The following NYNRIN variants were observed in gnomAD, a reference collection of about 807,000 sequenced individuals.
NYNRIN encodes the protein NYN domain and retroviral integrase containing, also known as protein NYNRIN.
Under a neutral mutation model 146.6 loss-of-function variants are expected in NYNRIN, and 86 were observed. The ratio of observed to expected loss-of-function variants is 0.59; its 90% CI spans 0.49 to 0.70. NYNRIN has a LOEUF of 0.70. NYNRIN is among the 30% of genes least tolerant of loss of function. NYNRIN has a pLI of 0.00. For synonymous variants in NYNRIN, 1,027 were observed against 1,001.3 expected, an observed-to-expected ratio of 1.03 and a Z score of -0.48; for missense variants, 2,191 against 2,377.7, an observed-to-expected ratio of 0.92 and a Z score of 1.63.
chr14:24,409,943 C>G lies in NYNRIN; in HGVS notation c.2149C>G (p.Gln717Glu), dbSNP rs1320850066. Reference sequence around the variant, plus strand: ...GGCTAGTGTCTCCTTACTGAAGGGCCAGGGGCAGGCTGGAAGGCAGGGTCC... The same window carrying G: ...GGCTAGTGTCTCCTTACTGAAGGGCGAGGGGCAGGCTGGAAGGCAGGGTCC... ...SRASVSLLKG[Q>E]GQAGRQGPQS... The change falls in exon 4 of 9, where the codon CAG becomes GAG. Residue 717 changes from glutamine to glutamate, a missense_variant. Physicochemically the swap from Gln to Glu is conservative, Grantham distance 29 (BLOSUM62 2). Transcript: ENST00000382554. 51 of 1,613,628 alleles carry G rather than the reference C, an allele frequency of 3.2e-5. No individual in the cohort carries two copies. The highest frequency in any genetic ancestry group is 4.1e-5 in the Non-Finnish European group (48 of 1,179,782).
Position 24,416,948 on chromosome 14 carries a change from T to C in NYNRIN, c.5199T>C (p.His1733=). The C allele has an allele frequency of 6.3e-7, 1 of 1,586,058 alleles. No homozygotes were observed. ...CCCTCAAGGAGTTCATCTTCCTGCA[T>C]GGGAAGAAGTGGGCGGCCTCCCTGC... ...KRALKEFIFL[H]GKKWAASLPL... Residue 1733 remains histidine (H), a synonymous_variant, in exon 9 of 9, where the codon CAT becomes CAC. Coordinates refer to ENST00000382554, the MANE Select transcript of NYNRIN (RefSeq NM_025081.3).
In NYNRIN at chr14:24,408,706, G is replaced by A. The variant is rs775494721; in HGVS notation, c.912G>A (p.Val304=). The change falls in exon 4 of 9, where the codon GTG becomes GTA. Residue 304 remains valine (V), a synonymous_variant. Coordinates refer to ENST00000382554, the MANE Select transcript of NYNRIN (RefSeq NM_025081.3). ...GMDSAQEEGT[V]QATSSQDSTN... ...ACAGTGCTCAAGAGGAAGGGACAGT[G>A]CAAGCCACCAGCAGCCAGGACTCCA... The A allele has an allele frequency of 1.2e-6, 2 of 1,613,490 alleles. No individual in the cohort carries two copies. Among genetic ancestry groups the A allele is most frequent in the Non-Finnish European group, 1.7e-6 (2 of 1,179,724 alleles).
At position 24,415,705 on chromosome 14, in the gene NYNRIN, G is replaced by T. The variant is rs776363411; in HGVS notation, c.3956G>T (p.Arg1319Leu). The T allele has an allele frequency of 1.5e-5, 25 of 1,613,792 alleles. No homozygotes were observed. The highest frequency in any genetic ancestry group is 4.0e-5 in the African/African-American group (3 of 74,932). ...CACATGTCGGGCTACTGCTTCTACCGTGAGGATGAGTGGTGTGCTGGCTTT... is the reference window on the plus strand; with the variant it reads ...CACATGTCGGGCTACTGCTTCTACCTTGAGGATGAGTGGTGTGCTGGCTTT... ...CIHMSGYCFYREDEWCAGFGL... is the reference protein window; with the variant it reads ...CIHMSGYCFYLEDEWCAGFGL... Residue 1319 changes from arginine to leucine, a missense_variant, in exon 9 of 9, where the codon CGT (arginine) becomes CTT (leucine). Around this residue, in one of 3 missense-constraint regions of NYNRIN, gnomAD observed 1,291 missense variants for 1,417.0 expected, o/e 0.91. Coordinates refer to ENST00000382554, the MANE Select transcript of NYNRIN (RefSeq NM_025081.3).
rs765612926 is a variant in NYNRIN, at chr14:24,413,366, C to G, written c.2795C>G (p.Pro932Arg). 1.4e-5 allele frequency: 22 copies of G among 1,613,436 alleles called. No homozygotes were observed. The Admixed American group carries it at 3.5e-4, about 26-fold the overall frequency. Reference protein sequence around the residue: ...AGNLFMVPDDPLGRDGPTLDE... With the variant: ...AGNLFMVPDDRLGRDGPTLDE... Reference sequence around the variant, plus strand: ...AATCTCTTCATGGTGCCTGATGACCCCCTGGGCCGTGATGGCCCCACCTTG... The same window carrying G: ...AATCTCTTCATGGTGCCTGATGACCGCCTGGGCCGTGATGGCCCCACCTTG... Residue 932 changes from proline to arginine, a missense_variant, in exon 8 of 9, where the codon CCC (proline) becomes CGC (arginine). Pro to Arg is a moderately radical substitution (Grantham distance 103). This residue lies in a region of NYNRIN where 1,291 missense variants were observed against 1,417.0 expected (regional missense o/e 0.91). Transcript: ENST00000382554.
Position 24,409,453 on chromosome 14 carries a change from C to T in NYNRIN, c.1659C>T (p.Pro553=), listed in dbSNP as rs1388503880. Residue 553 remains proline (P), a synonymous_variant, in exon 4 of 9, where the codon CCC becomes CCT. Transcript: ENST00000382554. ...TLKVPMAAAV[P]KAENPSRTQV... ...AAGTGCCCATGGCTGCAGCAGTGCC[C>T]AAAGCTGAAAATCCCTCCAGAACTC... The T allele has an allele frequency of 6.2e-7, 1 of 1,613,832 alleles. No individual in the cohort carries two copies. The highest frequency in any genetic ancestry group is 8.5e-7 in the Non-Finnish European group (1 of 1,179,890).
chr14:24,406,771 G>A (rs1171303510), intron 2 of NYNRIN, among the ~76,000 whole-genome samples: 1 of 152,208 alleles, frequency 6.6e-6, no homozygotes, highest in Non-Finnish European at 1.5e-5. Flanking sequence ...GGAGGGGCAT[G>A]GGGGCATATG....
At chr14:24,408,631 A>G (rs779965123) in intron 3 of NYNRIN, 21 bp from the exon 4 acceptor site, 48 of 1,570,306 alleles carry the variant, frequency 3.1e-5, no homozygotes, top group Non-Finnish European at 4.0e-5. Context: ...CACCTTTTCA[A>G]TGAACTTGGG....
At chr14:24,410,293 T>C in intron 4 of NYNRIN, 85 bp downstream of exon 4, 2 of 1,095,288 alleles carry the variant, frequency 1.8e-6, no homozygotes, top group Non-Finnish European at 2.6e-6. Flanking sequence ...TGGGCATCCC[T>C]TCCCAACCTT....
In NYNRIN at chr14:24,415,763, T is replaced by C. The variant is rs779463296; in HGVS notation, c.4014T>C (p.Pro1338=). 6.2e-7 allele frequency: 1 copy of C among 1,613,872 alleles called. No individual in the cohort carries two copies. The highest frequency in any genetic ancestry group is 8.5e-7 in the Non-Finnish European group (1 of 1,179,794). The change falls in exon 9 of 9, where the codon CCT becomes CCC. Residue 1338 remains proline, a synonymous_variant. Transcript: ENST00000382554. ...ATGTTCTATCGCCCACCAGCCCCCC[T>C]GTCTCCCTTTCCTTCTCCTGCTCCC... The part of the protein sequence containing the change: ...GLYVLSPTSP[P]VSLSFSCSPY...
At chr14:24,410,606 C>G (rs1179809902) in intron 4 of NYNRIN, among the ~76,000 whole-genome samples, 1 of 152,252 alleles carries the variant, frequency 6.6e-6, no homozygotes, top group Non-Finnish European at 1.5e-5. Flanking sequence ...GATTTCTTTT[C>G]CTGACTCTGC....
At position 24,418,191 on chromosome 14, in the gene NYNRIN, C is replaced by A; in HGVS notation, c.*745C>A. ...TCCAGCCAATGGAGACAATTCCTGA[C>A]CCCTGCTTTGATGGTGTTGACCCCA... On this transcript the variant is annotated 3_prime_UTR_variant, in exon 9 of 9. Transcript: ENST00000382554. The A allele has an allele frequency of 2.2e-6, 1 of 450,404 alleles. No homozygotes were observed. Among genetic ancestry groups the A allele is most frequent in the Non-Finnish European group, 4.5e-6 (1 of 224,078 alleles). The allele number at this position is 450,404 out of a possible 1,614,324, so 27.9% of individuals were successfully genotyped here. A position where few individuals can be genotyped will look rare whatever the true frequency, so the allele number is the denominator to read the frequency against.
At chr14:24,407,312 A>G (rs1394913439) in intron 2 of NYNRIN, among the ~76,000 whole-genome samples, 1 of 152,200 alleles carries the variant, frequency 6.6e-6, no homozygotes, top group African/African-American at 2.4e-5. Flanking sequence ...GAGTGGCCCA[A>G]TGAGGCAGGA....
At chr14:24,399,123 G>T (rs1250572873) in intron 1 of NYNRIN, 37 bp downstream of exon 1, 1 of 898,976 alleles carries the variant, frequency 1.1e-6, no homozygotes, top group South Asian at 1.8e-5. Context: ...GGCCGTGCGG[G>T]GGGCGCGCCG....
intron 2 of NYNRIN, among the ~76,000 whole-genome samples, chr14:24,404,874 C>T (rs2042866677): frequency 6.6e-6 from 1 of 152,120 alleles, no homozygotes; most frequent in Non-Finnish European, 1.5e-5. Context: ...CTCACTCCCT[C>T]CATGTTTTTT....
chr14:24,415,229 C>G lies in NYNRIN; in HGVS notation c.3480C>G (p.Phe1160Leu). The G allele has an allele frequency of 6.2e-7, 1 of 1,613,142 alleles. No individual in the cohort carries two copies. Among genetic ancestry groups the G allele is most frequent in the Non-Finnish European group, 8.5e-7 (1 of 1,179,870 alleles). Residue 1160 changes from phenylalanine (F) to leucine (L), a missense_variant, in exon 9 of 9, where the codon TTC becomes TTG. Transcript: ENST00000382554. ...CLMAPNSQLP[F>L]RLEVTVSHVA... ...TGGCCCCCAACTCCCAGCTGCCCTT[C>G]CGCCTGGAGGTGACCGTGAGCCACG...
chr14:24,419,269 A>G lies in NYNRIN; in HGVS notation c.*1823A>G, dbSNP rs2042969230. On this transcript the variant is annotated 3_prime_UTR_variant, in exon 9 of 9. Coordinates refer to ENST00000382554, the MANE Select transcript of NYNRIN (RefSeq NM_025081.3). ...TTTTTTTCATTTGATTTGTCAATAA[A>G]CGAATCAAACTGGAGCTGATGTCCA... The G allele has an allele frequency of 6.6e-6, 1 of 152,194 alleles. No individual in the cohort carries two copies. Among genetic ancestry groups the G allele is most frequent in the African/African-American group, 2.4e-5 (1 of 41,446 alleles). 9.4% of individuals were successfully genotyped at this position (152,194 alleles called of 1,614,324 possible). A position where few individuals can be genotyped will look rare whatever the true frequency, so the allele number is the denominator to read the frequency against.
chr14:24,403,326 T>C (rs1040155705), intron 2 of NYNRIN, among the ~76,000 whole-genome samples: 2 of 152,222 alleles, frequency 1.3e-5, no homozygotes, highest in African/African-American at 4.8e-5. Flanking sequence ...ACAAGGTCAG[T>C]CTATCAGTTC....
Position 24,418,390 on chromosome 14 carries a change from A to T in NYNRIN, c.*944A>T. 1 of 412,530 alleles carries T rather than the reference A, an allele frequency of 2.4e-6. No homozygotes were observed. The allele number at this position is 412,530 out of a possible 1,614,324, so 25.6% of individuals were successfully genotyped here. On this transcript the variant is annotated 3_prime_UTR_variant, in exon 9 of 9. Transcript: ENST00000382554. ...CCAACCCCTCCCAACCCCATCCCAA[A>T]GCCTACAGTCCTCTGCTCCTTCTAC...
chr14:24,400,878 C>G (rs1443179155), intron 2 of NYNRIN, among the ~76,000 whole-genome samples: 2 of 151,804 alleles, frequency 1.3e-5, no homozygotes, highest in African/African-American at 4.8e-5. Context: ...CCACCTCTGC[C>G]TCTTGTGTTC....
Sources: gnomAD v4.1 joint callset for allele counts (sites outside exome capture counted in the v4.1 genomes callset) on GRCh38, gnomAD v4.1.1 for gene constraint, gnomAD v4.1.1 regional missense constraint, MANE v1.5 for transcripts, NCBI Gene and HGNC (gene_info 2026-07-23, HGNC 2026-07-21) for gene names.